The following SKAP2 variants were observed in gnomAD, a reference collection of about 807,000 sequenced individuals.
SKAP2 encodes the protein src kinase associated phosphoprotein 2.
Under a neutral mutation model 54.9 loss-of-function variants are expected in SKAP2, and 28 were observed. That is an observed-to-expected ratio of 0.51 (90% CI 0.38 to 0.70). SKAP2 has a LOEUF of 0.70. Among genes scored for constraint, SKAP2 ranks in the 30% least tolerant of loss-of-function variants. The pLI is 0.00. For synonymous variants in SKAP2, 137 were observed against 134.3 expected (o/e 1.02, Z -0.14); for missense variants, 356 against 424.1 (o/e 0.84, Z 1.41).
intron 3 of SKAP2, among the ~76,000 whole-genome samples, chr7:26,852,440 A>C (rs1281596263): frequency 6.6e-6 from 1 of 152,194 alleles, no homozygotes; most frequent in Non-Finnish European, 1.5e-5. Context: ...TAATTCATCT[A>C]CAGGCTTACT....
chr7:26,793,976 G>T (rs528558804), intron 4 of SKAP2, among the ~76,000 whole-genome samples: 1 of 152,142 alleles, frequency 6.6e-6, no homozygotes, highest in South Asian at 2.1e-4. Flanking sequence ...TAAGGAGTTG[G>T]TTAAGTATCT....
intron 9 of SKAP2, among the ~76,000 whole-genome samples, chr7:26,721,015 C>T (rs1448808526): frequency 6.6e-6 from 1 of 152,194 alleles, no homozygotes; most frequent in East Asian, 1.9e-4. Context: ...CCATTCAGTA[C>T]CTAGTTTAAG....
At chr7:26,845,251 C>T (rs1784898598) in intron 3 of SKAP2, among the ~76,000 whole-genome samples, 1 of 152,124 alleles carries the variant, frequency 6.6e-6, no homozygotes, top group Admixed American at 6.6e-5. Context: ...GTATCTTTGT[C>T]CTCTGACACC....
chr7:26,852,829 CTGGAAATAATA>C (rs1785073781), intron 3 of SKAP2, among the ~76,000 whole-genome samples: 1 of 152,120 alleles, frequency 6.6e-6, no homozygotes, highest in Non-Finnish European at 1.5e-5. Context: ...TCGATAATCA[CTGGAAATAATA>C]TGCCTTTTAA....
chr7:26,684,898 C>T (rs995069712), intron 10 of SKAP2, 50 bp from the exon 11 acceptor site: 1 of 1,043,288 alleles, frequency 9.6e-7, no homozygotes, highest in African/African-American at 1.6e-5. Context: ...TGTAATAACC[C>T]CTCATTTCAA....
intron 4 of SKAP2, among the ~76,000 whole-genome samples, chr7:26,763,303 T>C (rs1782973987): frequency 6.6e-6 from 1 of 152,174 alleles, no homozygotes; most frequent in African/African-American, 2.4e-5. Flanking sequence ...AATTTCTTTG[T>C]AGACTCAGAC....
intron 4 of SKAP2, among the ~76,000 whole-genome samples, chr7:26,832,625 G>C (rs1327442439): frequency 2.0e-5 from 3 of 152,080 alleles, no homozygotes; most frequent in African/African-American, 7.2e-5. Flanking sequence ...GCCAGCCTGA[G>C]CAACACAGCA....
At chr7:26,833,679 A>C (rs1416044848) in intron 4 of SKAP2, among the ~76,000 whole-genome samples, 1 of 152,180 alleles carries the variant, frequency 6.6e-6, no homozygotes, top group Admixed American at 6.5e-5. Context: ...TAACTATCCT[A>C]AATATATATG....
chr7:26,787,945 T>C (rs1205676148), intron 4 of SKAP2, among the ~76,000 whole-genome samples: 1 of 152,140 alleles, frequency 6.6e-6, no homozygotes, highest in Admixed American at 6.5e-5. Context: ...CACCTCCACC[T>C]CCCAACTGTA....
intron 4 of SKAP2, among the ~76,000 whole-genome samples, chr7:26,801,443 G>T (rs548763377): frequency 2.6e-5 from 4 of 152,252 alleles, no homozygotes; most frequent in African/African-American, 9.6e-5. Flanking sequence ...TCTAAAATCT[G>T]GAACACGACA....
intron 4 of SKAP2, among the ~76,000 whole-genome samples, chr7:26,781,665 CTT>C (rs1271477884): frequency 1.3e-5 from 2 of 152,162 alleles, no homozygotes; most frequent in Non-Finnish European, 2.9e-5. Flanking sequence ...AAACACAAGA[CTT>C]TAAATCAACA....
At chr7:26,857,727 G>A in intron 1 of SKAP2, 2 of 985,432 alleles carry the variant, frequency 2.0e-6, no homozygotes, top group Non-Finnish European at 2.4e-6. Context: ...GACAAATGGG[G>A]CTGGATCTGT....
chr7:26,833,912 A>G (rs914367204), intron 4 of SKAP2, among the ~76,000 whole-genome samples: 1 of 152,202 alleles, frequency 6.6e-6, no homozygotes, highest in Non-Finnish European at 1.5e-5. Flanking sequence ...TCAGCACCAC[A>G]TTGCACTTAT....
chr7:26,680,004 G>A (rs1487065709), intron 11 of SKAP2, among the ~76,000 whole-genome samples: 2 of 152,238 alleles, frequency 1.3e-5, no homozygotes, highest in Admixed American at 1.3e-4. Context: ...TTTCTCAAAG[G>A]CTGCAAAGCT....
At chr7:26,783,878 C>T (rs962835827) in intron 4 of SKAP2, among the ~76,000 whole-genome samples, 1 of 151,546 alleles carries the variant, frequency 6.6e-6, no homozygotes, top group African/African-American at 2.4e-5. Context: ...ACCAGCATGG[C>T]ACATGTATAC....
chr7:26,808,423 G>C (rs149242332), intron 4 of SKAP2, among the ~76,000 whole-genome samples: 1 of 152,264 alleles, frequency 6.6e-6, no homozygotes, highest in African/African-American at 2.4e-5. Flanking sequence ...GGCCAATTCA[G>C]AGACTAAAAA....
chr7:26,678,442 C>CT (rs931425488), intron 11 of SKAP2, among the ~76,000 whole-genome samples: 5,937 of 133,792 alleles, frequency 0.044, 355 homozygotes, highest in African/African-American at 0.13. Context: ...ACTGGTTGTT[C>CT]TTTTTTTTTT....
rs1787050512 is a variant in SKAP2, at chr7:26,702,451, AC to A, written c.797-12090del. The stretch of plus-strand genomic sequence containing the variant: ...AGCCACTGCGCCCAGCCATGTTTGA[AC>A]CGTATCTCAAGAAAGAAAAAGATAT... On this transcript the variant is annotated intron_variant, in intron 9 of 12. Transcript: ENST00000345317. Among the ~76,000 whole-genome samples, 6 of 151,990 alleles carry A rather than the reference AC, an allele frequency of 3.9e-5. No homozygotes were observed. In the South Asian group the frequency reaches 1.2e-3, roughly 32 times the overall value.
chr7:26,681,399 G>A (rs558276587), intron 11 of SKAP2, among the ~76,000 whole-genome samples: 14 of 152,304 alleles, frequency 9.2e-5, no homozygotes, highest in Non-Finnish European at 2.1e-4. Flanking sequence ...AGCCGAGATC[G>A]TGCCATTGCA....
Sources: gnomAD v4.1 joint callset for allele counts (sites outside exome capture counted in the v4.1 genomes callset) on GRCh38, gnomAD v4.1.1 for gene constraint, MANE v1.5 for transcripts, NCBI Gene and HGNC (gene_info 2026-07-23, HGNC 2026-07-21) for gene names.